PCNX4: variants seen among roughly 807,000 people sequenced by gnomAD.
The protein encoded by PCNX4 is pecanex 4.
In PCNX4, 103 loss-of-function variants were observed where a neutral mutation model predicts 107.2. The observed-to-expected ratio is 0.96, with a 90% CI of 0.82 to 1.13. The LOEUF (loss-of-function observed/expected upper bound fraction) is 1.13, where lower values mean the gene tolerates loss of function less well. PCNX4 is among the 50% of genes most tolerant of loss of function. The probability of loss-of-function intolerance (pLI) is 0.00; values close to 1 mark genes in which losing one functional copy is unlikely to be tolerated. For missense variants in PCNX4, 1,528 were observed against 1,379.4 expected, an observed-to-expected ratio of 1.11 and a Z score of -1.71; for synonymous variants, 541 against 481.7, an observed-to-expected ratio of 1.12 and a Z score of -1.61.
intron 2 of PCNX4, among the ~76,000 whole-genome samples, chr14:60,113,443 A>G (rs1595168538): frequency 6.6e-6 from 1 of 152,054 alleles, no homozygotes; most frequent in South Asian, 2.1e-4. Context: ...ATCTCGGTTC[A>G]CTGGAACCTC....
intron 10 of PCNX4, among the ~76,000 whole-genome samples, chr14:60,126,516 A>G (rs1452313691): frequency 6.6e-6 from 1 of 152,190 alleles, no homozygotes; most frequent in Non-Finnish European, 1.5e-5. Context: ...ATTCAAAGAA[A>G]TCTGCTAAAA....
chr14:60,117,446 G>A (rs1895871058), intron 6 of PCNX4, among the ~76,000 whole-genome samples: 1 of 152,150 alleles, frequency 6.6e-6, no homozygotes, highest in African/African-American at 2.4e-5. Flanking sequence ...TAGGTATGTA[G>A]TAGGCTATAC....
intron 10 of PCNX4, among the ~76,000 whole-genome samples, chr14:60,126,928 T>C (rs1896065911): frequency 6.6e-6 from 1 of 152,174 alleles, no homozygotes; most frequent in Admixed American, 6.5e-5. Context: ...CACCAAATGC[T>C]TATCTCCTAA....
intron 6 of PCNX4, among the ~76,000 whole-genome samples, chr14:60,117,416 A>G (rs1040485781): frequency 3.3e-5 from 5 of 152,234 alleles, no homozygotes; most frequent in African/African-American, 1.2e-4. Flanking sequence ...CCTATGAGCA[A>G]TAGGTTATAA....
chr14:60,115,890 C>A (rs1235656909), intron 5 of PCNX4, 51 bp from the exon 6 acceptor site: 4 of 1,588,770 alleles, frequency 2.5e-6, no homozygotes, highest in Non-Finnish European at 3.4e-6. Context: ...TAATAGTTTG[C>A]TTAGATTATC....
rs1316877115 is a variant in PCNX4, at chr14:60,118,617, G to C, written c.1867G>C (p.Asp623His). 2 of 1,613,814 alleles carry C rather than the reference G, an allele frequency of 1.2e-6. No individual in the cohort carries two copies. The highest frequency in any genetic ancestry group is 2.2e-5 in the East Asian group (1 of 44,882). Residue 623 changes from aspartate (D) to histidine (H), a missense_variant, in exon 7 of 11, where the codon GAT becomes CAT. Physicochemically the swap from Asp to His is moderately conservative, Grantham distance 81 (BLOSUM62 -1). Transcript: ENST00000406854. ...AAGTTACVCA[D>H]TVYYYQMVPR... Reference sequence around the variant, plus strand: ...AGGCACCACAGCCTGTGTGTGTGCAGATACAGTGTACTACTACCAAATGGT... The same window carrying C: ...AGGCACCACAGCCTGTGTGTGTGCACATACAGTGTACTACTACCAAATGGT...
At position 60,118,504 on chromosome 14, in the gene PCNX4, T is replaced by A; in HGVS notation, c.1754T>A (p.Leu585Gln). 1 of 1,613,796 alleles carries A rather than the reference T, an allele frequency of 6.2e-7. No homozygotes were observed. Among genetic ancestry groups the A allele is most frequent in the Non-Finnish European group, 8.5e-7 (1 of 1,179,830 alleles). The change falls in exon 7 of 11, where the codon CTA becomes CAA. Residue 585 changes from leucine to glutamine, a missense_variant. By Grantham distance (113) the Leu-to-Gln change is moderately radical. Coordinates refer to ENST00000406854, the MANE Select transcript of PCNX4 (RefSeq NM_001330177.2). The part of the protein sequence containing the change: ...FVLVIIVFST[L>Q]LSSPLLPLFT... ...TTGGTCATCATAGTTTTTTCTACACTACTCTCTTCTCCCTTACTCCCTCTT... is the reference window on the plus strand; with the variant it reads ...TTGGTCATCATAGTTTTTTCTACACAACTCTCTTCTCCCTTACTCCCTCTT...
At position 60,118,311 on chromosome 14, in the gene PCNX4, A is replaced by T. The variant is rs1566514541; in HGVS notation, c.1579-18A>T. The T allele has an allele frequency of 1.3e-6, 2 of 1,544,318 alleles. No individual in the cohort carries two copies. Among genetic ancestry groups the T allele is most frequent in the East Asian group, 4.6e-5 (2 of 43,206 alleles). On this transcript the variant is annotated intron_variant, in intron 6 of 10. Transcript: ENST00000406854. ...AATCTTCTAAGGATAAATAAAAATA[A>T]TTTTTACATTTCTACAGGTTGGTAT...
At chr14:60,102,641 T>C (rs1014792555) in intron 1 of PCNX4, among the ~76,000 whole-genome samples, 19 of 152,218 alleles carry the variant, frequency 1.2e-4, no homozygotes, top group African/African-American at 4.3e-4. Context: ...AAATTAGTGT[T>C]GTGATGTCAT....
Position 60,115,766 on chromosome 14 carries a change from C to A in PCNX4, c.1405C>A (p.Gln469Lys). 1.2e-6 allele frequency: 2 copies of A among 1,613,438 alleles called. No homozygotes were observed. Among genetic ancestry groups the A allele is most frequent in the Non-Finnish European group, 1.7e-6 (2 of 1,179,494 alleles). ...ATTTCTTTCATTGGACAGTTCCTTA[C>A]AAGGGCTCCACTCAGTGTCTGTCTG... The part of the protein sequence containing the change: ...IAFLSLDSSL[Q>K]GLHSVSVCIG... Residue 469 changes from glutamine (Q) to lysine (K), a missense_variant, in exon 5 of 11, where the codon CAA becomes AAA. Transcript: ENST00000406854.
rs1413060815 is a variant in PCNX4 at position 60,137,427 on chromosome 14, T to C, written c.*3206T>C. 6.6e-6 allele frequency: 1 copy of C among 152,268 alleles called. No individual in the cohort carries two copies. Among genetic ancestry groups the C allele is most frequent in the Admixed American group, 6.5e-5 (1 of 15,284 alleles). 9.4% of individuals were successfully genotyped at this position (152,268 alleles called of 1,614,324 possible). The stretch of plus-strand genomic sequence containing the variant: ...AGAAAAACCAGATGCAGTTAGGATC[T>C]TCTCACTTCCCAAAACTGGATTCAG... On this transcript the variant is annotated 3_prime_UTR_variant, in exon 11 of 11. Coordinates refer to ENST00000406854, the MANE Select transcript of PCNX4 (RefSeq NM_001330177.2).
intron 7 of PCNX4, among the ~76,000 whole-genome samples, chr14:60,119,337 G>A (rs1471353010): frequency 2.0e-5 from 3 of 152,096 alleles, no homozygotes; most frequent in Non-Finnish European, 4.4e-5. Flanking sequence ...TACTTCTCAA[G>A]GTTGGTTTTA....
chr14:60,093,781 G>T (rs1250239394), intron 1 of PCNX4, among the ~76,000 whole-genome samples: 1 of 152,136 alleles, frequency 6.6e-6, no homozygotes, highest in Non-Finnish European at 1.5e-5. Context: ...TTTCCCAAAG[G>T]AGCTGTATCA....
chr14:60,126,904 C>T (rs780146583), intron 10 of PCNX4, among the ~76,000 whole-genome samples: 6 of 152,188 alleles, frequency 3.9e-5, no homozygotes, highest in Non-Finnish European at 8.8e-5. Context: ...AGACCTGAGG[C>T]TACTCCTTCC....
At chr14:60,097,141 G>T (rs781103005) in intron 1 of PCNX4, among the ~76,000 whole-genome samples, 5 of 152,144 alleles carry the variant, frequency 3.3e-5, no homozygotes, top group Admixed American at 1.3e-4. Flanking sequence ...TTTATCAGGC[G>T]CTGCCTCTAA....
chr14:60,115,076 G>C lies in PCNX4; in HGVS notation c.972G>C (p.Leu324Phe). ...VVLFMTGFGF[L>F]LSLNLSDMGH... The stretch of plus-strand genomic sequence containing the variant: ...TTTTCATGACTGGATTTGGTTTCTT[G>C]CTGAGTCTGAACTTAAGTGATATGG... The change falls in exon 4 of 11, where the codon TTG (leucine) becomes TTC (phenylalanine). Residue 324 changes from leucine to phenylalanine, a missense_variant. Leu to Phe is a conservative substitution (Grantham distance 22). Transcript: ENST00000406854. 6.2e-7 allele frequency: 1 copy of C among 1,613,580 alleles called. No homozygotes were observed.
chr14:60,093,699 G>GTAT (rs1172603083), intron 1 of PCNX4, among the ~76,000 whole-genome samples: 1 of 152,144 alleles, frequency 6.6e-6, no homozygotes, highest in Admixed American at 6.5e-5. Flanking sequence ...TCTGTTGGGT[G>GTAT]TATACCTGAG....
chr14:60,106,450 C>T (rs1280352045), intron 1 of PCNX4, among the ~76,000 whole-genome samples: 1 of 152,088 alleles, frequency 6.6e-6, no homozygotes, highest in Non-Finnish European at 1.5e-5. Flanking sequence ...TATTTTCTGT[C>T]TGTGGTTGGT....
Position 60,136,419 on chromosome 14 carries a change from TTGA to T in PCNX4, c.*2206_*2208del, listed in dbSNP as rs1210499828. On this transcript the variant is annotated 3_prime_UTR_variant, in exon 11 of 11. Coordinates refer to ENST00000406854, the MANE Select transcript of PCNX4 (RefSeq NM_001330177.2). Reference sequence around the variant, plus strand: ...CAAGACTTGAAATATCATCAATAAATTGATGATGATCAAATATATGTACCTAAC... The same window carrying T: ...CAAGACTTGAAATATCATCAATAAATTGATGATCAAATATATGTACCTAAC... 1.3e-5 allele frequency: 2 copies of T among 152,184 alleles called. No individual in the cohort carries two copies. Among genetic ancestry groups the T allele is most frequent in the Non-Finnish European group, 2.9e-5 (2 of 68,038 alleles). The allele number at this position is 152,184 out of a possible 1,614,324, so 9.4% of individuals were successfully genotyped here.
Sources: allele counts gnomAD v4.1 joint callset (sites outside exome capture counted in the v4.1 genomes callset), GRCh38; gene constraint gnomAD v4.1.1; transcripts MANE v1.5; gene names NCBI Gene and HGNC (gene_info 2026-07-23, HGNC 2026-07-21).